Variants in ABCB8 observed in about 807,000 individuals in gnomAD.
ABCB8 encodes the protein ATP binding cassette subfamily B member 8, also known as mitochondrial potassium channel ATP-binding subunit.
ABCB8 carries 52 observed loss-of-function variants against 73.0 expected under a neutral mutation model. That is an observed-to-expected ratio of 0.71 (90% confidence interval 0.57 to 0.90). The LOEUF (loss-of-function observed/expected upper bound fraction) is 0.90. Ranked by LOEUF, ABCB8 falls within the 40% of genes least tolerant of loss-of-function variation. The pLI, the probability that ABCB8 is intolerant of heterozygous loss-of-function variation, is 0.00. For synonymous variants in ABCB8, 428 were observed against 423.5 expected (o/e 1.01, Z -0.13); for missense variants, 909 against 974.6 (o/e 0.93, Z 0.90).
chr7:151,037,005 T>C lies in ABCB8; in HGVS notation c.1217+356T>C, dbSNP rs989029937. 9 of 687,364 alleles carry C rather than the reference T, an allele frequency of 1.3e-5. No individual in the cohort carries two copies. In the African/African-American group the frequency reaches 1.4e-4, roughly 11 times the overall value. The allele number at this position is 687,364 out of a possible 1,614,324, so 42.6% of individuals were successfully genotyped here. ...TTTGAAGTGTGCAGCTCATGGGCAG[T>C]GGGTGCACTCACATTGCTGTGCGGC... is the stretch of plus-strand genomic sequence containing the variant. On this transcript the variant is annotated intron_variant, in intron 9 of 15. Transcript: ENST00000358849.
intron 8 of ABCB8, 33 bp from the exon 9 acceptor site, chr7:151,036,511 G>T: frequency 6.3e-7 from 1 of 1,578,352 alleles, no homozygotes. Context: ...CTCTGCCCTG[G>T]CTTCGTCCTC....
rs1796552752 is a variant in ABCB8 at position 151,044,195 on chromosome 7, G to A, written c.1990G>A (p.Val664Ile). 1.9e-6 allele frequency: 3 copies of A among 1,602,206 alleles called. No homozygotes were observed. The highest frequency in any genetic ancestry group is 1.7e-5 in the Admixed American group (1 of 59,824). The change falls in exon 15 of 16, where the codon GTC (valine) becomes ATC (isoleucine). Residue 664 changes from valine to isoleucine, a missense_variant. Coordinates refer to ENST00000358849, the MANE Select transcript of ABCB8 (RefSeq NM_007188.5). ...TGTCCGTGGGGCCCACTGCATTGTC[G>A]TCATGGCCGATGGCCGTGTCTGGGA... ...STVRGAHCIV[V>I]MADGRVWEAG...
Position 151,033,796 on chromosome 7 carries a change from G to T in ABCB8, c.287G>T (p.Cys96Phe), listed in dbSNP as rs1363427577. The stretch of plus-strand genomic sequence containing the variant: ...CCCCACCTCTGCCTTGTGGCCCTGT[G>T]TGAGGCAGAAGAGGCCCCTCCTGCC... Reference protein sequence around the residue: ...KHPHLCLVALCEAEEAPPASS... With the variant: ...KHPHLCLVALFEAEEAPPASS... The change falls in exon 2 of 16, where the codon TGT becomes TTT. Residue 96 changes from cysteine to phenylalanine, a missense_variant. By Grantham distance (205) the Cys-to-Phe change is radical. Transcript: ENST00000358849. The T allele has an allele frequency of 6.2e-7, 1 of 1,614,072 alleles. No individual in the cohort carries two copies. Among genetic ancestry groups the T allele is most frequent in the Non-Finnish European group, 8.5e-7 (1 of 1,180,000 alleles).
Position 151,035,720 on chromosome 7 carries a change from T to C in ABCB8, c.905T>C (p.Leu302Ser). Residue 302 changes from leucine (L) to serine (S), a missense_variant, in exon 6 of 16, where the codon TTG becomes TCG. Transcript: ENST00000358849. ...GTLMGSGLRK[L>S]SRQCQEQIAR... Reference sequence around the variant, plus strand: ...CTGATGGGCTCAGGCCTCCGAAAATTGTCTCGCCAGTGTCAGGAGCAGGTA... The same window carrying C: ...CTGATGGGCTCAGGCCTCCGAAAATCGTCTCGCCAGTGTCAGGAGCAGGTA... 1.2e-6 allele frequency: 2 copies of C among 1,613,452 alleles called. No individual in the cohort carries two copies. The highest frequency in any genetic ancestry group is 8.5e-7 in the Non-Finnish European group (1 of 1,180,000).
At chr7:151,037,782 C>T (rs560824118) in intron 9 of ABCB8, 42 of 178,046 alleles carry the variant, frequency 2.4e-4, no homozygotes, top group South Asian at 6.3e-4. Flanking sequence ...GTGTACTGTC[C>T]CAGGAAGCGG....
Position 151,041,140 on chromosome 7 carries a change from C to A in ABCB8, c.1525C>A (p.Pro509Thr), listed in dbSNP as rs1178600830. Residue 509 changes from proline to threonine, a missense_variant, in exon 13 of 16, where the codon CCC (proline) becomes ACC (threonine). Physicochemically the swap from Pro to Thr is conservative, Grantham distance 38 (BLOSUM62 -1). Coordinates refer to ENST00000358849, the MANE Select transcript of ABCB8 (RefSeq NM_007188.5). The stretch of plus-strand genomic sequence containing the variant: ...TTCCCTGCTGGAGCGCTTCTACGAC[C>A]CCACGGCAGGCGTGGTGATGCTGGA... ...VASLLERFYDPTAGVVMLDGR... is the reference protein window; with the variant it reads ...VASLLERFYDTTAGVVMLDGR... 1.2e-6 allele frequency: 2 copies of A among 1,612,898 alleles called. 1 individual carries two copies. The highest frequency in any genetic ancestry group is 4.5e-5 in the East Asian group (2 of 44,850).
Position 151,045,497 on chromosome 7 carries a change from C to T in ABCB8, c.*148C>T, listed in dbSNP as rs1052357151. 9.3e-7 allele frequency: 1 copy of T among 1,075,502 alleles called. No individual in the cohort carries two copies. Among genetic ancestry groups the T allele is most frequent in the Non-Finnish European group, 1.2e-6 (1 of 824,294 alleles). 66.6% of individuals were successfully genotyped at this position (1,075,502 alleles called of 1,614,324 possible). A position where few individuals can be genotyped will look rare whatever the true frequency, so the allele number is the denominator to read the frequency against. On this transcript the variant is annotated 3_prime_UTR_variant, in exon 16 of 16. Transcript: ENST00000358849. ...CTCCTGCTCACAATAAAGCCGGGGC[C>T]GAGCAGCTGGCAGGGGAGGCCAATC...
chr7:151,036,059 G>T lies in ABCB8; in HGVS notation c.1014-14G>T. On this transcript the variant is annotated splice_polypyrimidine_tract_variant and intron_variant, in intron 7 of 15. Coordinates refer to ENST00000358849, the MANE Select transcript of ABCB8 (RefSeq NM_007188.5). ...GCCCAGCTGCCTCCTGAATGCACTGGTCTCTCTCACCAGGCGCTATGGGGC... is the reference window on the plus strand; with the variant it reads ...GCCCAGCTGCCTCCTGAATGCACTGTTCTCTCTCACCAGGCGCTATGGGGC... 1 of 1,613,102 alleles carries T rather than the reference G, an allele frequency of 6.2e-7. No individual in the cohort carries two copies. Among genetic ancestry groups the T allele is most frequent in the South Asian group, 1.1e-5 (1 of 91,068 alleles).
rs776462673 is a variant in ABCB8 at position 151,045,330 on chromosome 7, G to A, written c.2138G>A (p.Ser713Asn). ...PPPKKPEGPR[S>N]HQHKS ...CCCAAAAAGCCAGAAGGCCCCAGGA[G>A]CCACCAGCACAAGTCCTGAGAAGGG... The change falls in exon 16 of 16, where the codon AGC becomes AAC. Residue 713 changes from serine (S) to asparagine (N), a missense_variant. Physicochemically the swap from Ser to Asn is conservative, Grantham distance 46. Transcript: ENST00000358849. 153 of 1,588,106 alleles carry A rather than the reference G, an allele frequency of 9.6e-5. No homozygotes were observed. The highest frequency in any genetic ancestry group is 1.3e-4 in the Non-Finnish European group (148 of 1,167,196).
In ABCB8 at chr7:151,042,076, C is replaced by G; in HGVS notation, c.1733C>G (p.Thr578Ser). ...GAAGCGAATGCTCACGAGTTCATCACCAGCTTCCCCGAGGGCTACAACACG... is the reference window on the plus strand; with the variant it reads ...GAAGCGAATGCTCACGAGTTCATCAGCAGCTTCCCCGAGGGCTACAACACG... ...AREANAHEFI[T>S]SFPEGYNTVV... is the part of the protein sequence containing the mutation. The change falls in exon 14 of 16, where the codon ACC (threonine) becomes AGC (serine). Residue 578 changes from threonine (T) to serine (S), a missense_variant. Physicochemically the swap from Thr to Ser is moderately conservative, Grantham distance 58 (BLOSUM62 1). Coordinates refer to ENST00000358849, the MANE Select transcript of ABCB8 (RefSeq NM_007188.5). The G allele has an allele frequency of 1.2e-6, 2 of 1,613,164 alleles. No homozygotes were observed. Among genetic ancestry groups the G allele is most frequent in the African/African-American group, 2.7e-5 (2 of 75,056 alleles).
In ABCB8 at chr7:151,045,505, T is replaced by C; in HGVS notation, c.*156T>C. On this transcript the variant is annotated 3_prime_UTR_variant, in exon 16 of 16. Coordinates refer to ENST00000358849, the MANE Select transcript of ABCB8 (RefSeq NM_007188.5). The stretch of plus-strand genomic sequence containing the variant: ...CACAATAAAGCCGGGGCCGAGCAGC[T>C]GGCAGGGGAGGCCAATCCCTCCCTC... The C allele has an allele frequency of 3.0e-6, 3 of 1,015,866 alleles. No homozygotes were observed. The highest frequency in any genetic ancestry group is 3.9e-6 in the Non-Finnish European group (3 of 768,862). 62.9% of individuals were successfully genotyped at this position (1,015,866 alleles called of 1,614,324 possible).
Position 151,045,268 on chromosome 7 carries a change from G to T in ABCB8, c.2076G>T (p.Arg692Ser). 6.2e-7 allele frequency: 1 copy of T among 1,605,124 alleles called. No individual in the cohort carries two copies. The highest frequency in any genetic ancestry group is 1.1e-5 in the South Asian group (1 of 89,860). Residue 692 changes from arginine (R) to serine (S), a missense_variant, in exon 16 of 16, where the codon AGG becomes AGT. Coordinates refer to ENST00000358849, the MANE Select transcript of ABCB8 (RefSeq NM_007188.5). ...GGCTATACGCCGAGCTCATCCGGAG[G>T]CAGGCCCTGGATGCCCCGAGGACAG... ...KGGLYAELIR[R>S]QALDAPRTAA...
chr7:151,040,186 C>T, intron 9 of ABCB8, 82 bp from the exon 10 acceptor site: 3 of 1,528,488 alleles, frequency 2.0e-6, no homozygotes, highest in East Asian at 2.3e-5. Context: ...TTCCTTGCTC[C>T]CCCGCCCCAC....
At chr7:151,032,195 C>T (rs1386881637) in intron 1 of ABCB8, among the ~76,000 whole-genome samples, 1 of 152,194 alleles carries the variant, frequency 6.6e-6, no homozygotes, top group Non-Finnish European at 1.5e-5. Context: ...GGCCTGTTCC[C>T]CCTCACAGGT....
chr7:151,037,546 G>A lies in ABCB8; in HGVS notation c.1217+897G>A, dbSNP rs907235645. 12 of 570,516 alleles carry A rather than the reference G, an allele frequency of 2.1e-5. No individual in the cohort carries two copies. In the South Asian group the frequency reaches 2.2e-4, roughly 11 times the overall value. 35.3% of individuals were successfully genotyped at this position (570,516 alleles called of 1,614,324 possible). A position where few individuals can be genotyped will look rare whatever the true frequency, so the allele number is the denominator to read the frequency against. On this transcript the variant is annotated intron_variant, in intron 9 of 15. Transcript: ENST00000358849. The stretch of plus-strand genomic sequence containing the variant: ...AACACAAGCAGTTCTACATAAATAT[G>A]TTATGGTAAATAATGAGATAGTAAA...
chr7:151,035,076 C>G (rs1411435558), intron 5 of ABCB8, among the ~76,000 whole-genome samples: 1 of 152,262 alleles, frequency 6.6e-6, no homozygotes, highest in African/African-American at 2.4e-5. Flanking sequence ...CCCTGGAAAG[C>G]CTTCCCAAGC....
At position 151,040,905 on chromosome 7, in the gene ABCB8, T is replaced by G. The variant is rs1584956075; in HGVS notation, c.1466T>G (p.Val489Gly). 6.2e-7 allele frequency: 1 copy of G among 1,605,302 alleles called. No individual in the cohort carries two copies. Among genetic ancestry groups the G allele is most frequent in the African/African-American group, 1.3e-5 (1 of 74,898 alleles). ...CCCCCTGGCAAGATCGTGGCCCTCG[T>G]GGGCCAGTCTGGCGGAGGTAAGGGG... ...TLPPGKIVAL[V>G]GQSGGGKTTV... Residue 489 changes from valine (V) to glycine (G), a missense_variant, in exon 12 of 16, where the codon GTG becomes GGG. By Grantham distance (109) the Val-to-Gly change is moderately radical (BLOSUM62 -3). Transcript: ENST00000358849.
chr7:151,033,988 G>T lies in ABCB8; in HGVS notation c.408+71G>T, dbSNP rs530221284. 12 of 1,476,140 alleles carry T rather than the reference G, an allele frequency of 8.1e-6. No individual in the cohort carries two copies. In the East Asian group the frequency reaches 2.5e-4, roughly 31 times the overall value. 91.4% of individuals were successfully genotyped at this position (1,476,140 alleles called of 1,614,324 possible). ...AGAGCTGCAAAGGGATGGCATTCCTGCCTCGCTGCCTCTCAGGGGAGAGCT... is the reference window on the plus strand; with the variant it reads ...AGAGCTGCAAAGGGATGGCATTCCTTCCTCGCTGCCTCTCAGGGGAGAGCT... On this transcript the variant is annotated intron_variant, in intron 2 of 15. Coordinates refer to ENST00000358849, the MANE Select transcript of ABCB8 (RefSeq NM_007188.5).
rs1172178956 is a variant in ABCB8 at position 151,034,308 on chromosome 7, C to A, written c.444C>A (p.Ile148=). ...GTGCGGCACTCGTGAATGTACAGAT[C>A]CCCCTGCTCCTGGGCCAGCTGGTAG... is the stretch of plus-strand genomic sequence containing the variant. ...ALGAALVNVQ[I]PLLLGQLVEV... The change falls in exon 3 of 16, where the codon ATC becomes ATA. Residue 148 remains isoleucine, a synonymous_variant. Coordinates refer to ENST00000358849, the MANE Select transcript of ABCB8 (RefSeq NM_007188.5). 2 of 1,613,480 alleles carry A rather than the reference C, an allele frequency of 1.2e-6. No individual in the cohort carries two copies. Among genetic ancestry groups the A allele is most frequent in the Non-Finnish European group, 1.7e-6 (2 of 1,179,980 alleles).
Sources: gnomAD v4.1 joint callset for allele counts (sites outside exome capture counted in the v4.1 genomes callset) on GRCh38, gnomAD v4.1.1 for gene constraint, MANE v1.5 for transcripts, NCBI Gene and HGNC (gene_info 2026-07-23, HGNC 2026-07-21) for gene names.